ZFPM2: variants seen among roughly 807,000 people sequenced by gnomAD.
ZFPM2 encodes zinc finger protein ZFPM2.
A neutral mutation model predicts 98.6 loss-of-function variants in ZFPM2; 20 were observed. The ratio of observed to expected loss-of-function variants is 0.20; its 90% CI spans 0.14 to 0.29. The LOEUF is 0.29. Ranked by LOEUF, ZFPM2 falls within the 10% of genes least tolerant of loss-of-function variation. The pLI, the probability that ZFPM2 is intolerant of heterozygous loss-of-function variation, is 1.00. For synonymous variants in ZFPM2, 518 were observed against 502.7 expected (o/e 1.03, Z -0.41); for missense variants, 1,310 against 1,388.6 (o/e 0.94, Z 0.90).
intron 4 of ZFPM2, among the ~76,000 whole-genome samples, chr8:105,620,202 T>C (rs1816507025): frequency 6.6e-6 from 1 of 152,218 alleles, no homozygotes; most frequent in African/African-American, 2.4e-5. Context: ...TGTGGTTTCC[T>C]GACTTTTTAA....
intron 3 of ZFPM2, among the ~76,000 whole-genome samples, chr8:105,530,928 T>A (rs1554614679): frequency 6.6e-6 from 1 of 152,170 alleles, no homozygotes; most frequent in Non-Finnish European, 1.5e-5. Context: ...GTCCATAGTT[T>A]TATATGTAAT....
At chr8:105,750,022 G>T (rs1159695480) in intron 5 of ZFPM2, among the ~76,000 whole-genome samples, 1 of 151,978 alleles carries the variant, frequency 6.6e-6, no homozygotes, top group Non-Finnish European at 1.5e-5. Flanking sequence ...CGAAAAAATT[G>T]TATTTGATAA....
chr8:105,761,191 A>G (rs1812727497), intron 5 of ZFPM2, among the ~76,000 whole-genome samples: 1 of 152,006 alleles, frequency 6.6e-6, no homozygotes, highest in African/African-American at 2.4e-5. Context: ...AATGGAATGT[A>G]AGGCCTACTA....
intron 4 of ZFPM2, among the ~76,000 whole-genome samples, chr8:105,591,971 A>G (rs1352825431): frequency 6.6e-6 from 1 of 152,208 alleles, no homozygotes; most frequent in Non-Finnish European, 1.5e-5. Flanking sequence ...AAAATTTGGT[A>G]AACATTTTCA....
At chr8:105,386,058 A>C (rs965026685) in intron 1 of ZFPM2, among the ~76,000 whole-genome samples, 3 of 152,186 alleles carry the variant, frequency 2.0e-5, no homozygotes, top group African/African-American at 7.2e-5. Context: ...TAAATAAATT[A>C]ATGTAAGTAA....
At chr8:105,581,960 A>G (rs1467538974) in intron 4 of ZFPM2, among the ~76,000 whole-genome samples, 24 of 152,186 alleles carry the variant, frequency 1.6e-4, no homozygotes, top group Non-Finnish European at 1.3e-4. Context: ...CACTCCTTCT[A>G]TTATAGTGGG....
chr8:105,758,454 T>C (rs1812657047), intron 5 of ZFPM2, among the ~76,000 whole-genome samples: 7 of 152,096 alleles, frequency 4.6e-5, no homozygotes, highest in Admixed American at 4.6e-4. Context: ...CTCAAGTTAA[T>C]CCAAATTTAA....
chr8:105,329,036 C>A (rs1812165155), intron 1 of ZFPM2, among the ~76,000 whole-genome samples: 1 of 151,818 alleles, frequency 6.6e-6, no homozygotes, highest in African/African-American at 2.4e-5. Context: ...GACAAACAGG[C>A]ACATATTTTG....
At chr8:105,372,103 C>T (rs1320328065) in intron 1 of ZFPM2, among the ~76,000 whole-genome samples, 1 of 151,544 alleles carries the variant, frequency 6.6e-6, no homozygotes, top group Non-Finnish European at 1.5e-5. Flanking sequence ...AGTGCAGTGG[C>T]GTGATCTCGG....
intron 4 of ZFPM2, among the ~76,000 whole-genome samples, chr8:105,590,906 C>T (rs1253938821): frequency 6.6e-6 from 1 of 151,974 alleles, no homozygotes; most frequent in Non-Finnish European, 1.5e-5. Flanking sequence ...TATAGTTCTG[C>T]CATAGTATTA....
chr8:105,677,268 TA>T (rs1810493311), intron 5 of ZFPM2, among the ~76,000 whole-genome samples: 1 of 152,036 alleles, frequency 6.6e-6, no homozygotes, highest in Non-Finnish European at 1.5e-5. Context: ...CACTGCTTAC[TA>T]TGGACAAGAT....
intron 5 of ZFPM2, among the ~76,000 whole-genome samples, chr8:105,768,096 CTCTCTCTCTCTT>C (rs1297163173): frequency 6.6e-6 from 1 of 150,794 alleles, no homozygotes; most frequent in Non-Finnish European, 1.5e-5. Flanking sequence ...CTCTCTCTCT[CTCTCTCTCTCTT>C]TCTCTCTCTC....
At chr8:105,401,358 A>G (rs1811336987) in intron 1 of ZFPM2, among the ~76,000 whole-genome samples, 2 of 152,276 alleles carry the variant, frequency 1.3e-5, no homozygotes, top group East Asian at 1.9e-4. Context: ...GTTTGTTAGT[A>G]TAACATTCTG....
intron 1 of ZFPM2, among the ~76,000 whole-genome samples, chr8:105,334,118 CTG>C (rs71305145): frequency 0.23 from 27,381 of 120,076 alleles, 2,771 homozygotes; most frequent in Admixed American, 0.32. Flanking sequence ...TAGTAATAAA[CTG>C]TGTGTGTGTG....
At chr8:105,669,981 T>C (rs953744542) in intron 5 of ZFPM2, 5 of 152,182 alleles carry the variant, frequency 3.3e-5, no homozygotes, top group South Asian at 2.1e-4. Context: ...ATAGAGAAAG[T>C]GCAGAGAAGT....
At chr8:105,437,317 G>T (rs1298118835) in intron 2 of ZFPM2, among the ~76,000 whole-genome samples, 1 of 152,140 alleles carries the variant, frequency 6.6e-6, no homozygotes, top group Admixed American at 6.5e-5. Context: ...ACAAATTGGA[G>T]CAAATCATTC....
At chr8:105,602,193 A>T (rs1248637295) in intron 4 of ZFPM2, among the ~76,000 whole-genome samples, 2 of 152,128 alleles carry the variant, frequency 1.3e-5, no homozygotes, top group Non-Finnish European at 2.9e-5. Flanking sequence ...GCTAGGAGGT[A>T]GAGAAGTGAT....
At chr8:105,770,012 C>T (rs184425395) in intron 5 of ZFPM2, among the ~76,000 whole-genome samples, 58 of 151,956 alleles carry the variant, frequency 3.8e-4, no homozygotes, top group African/African-American at 1.4e-3. Flanking sequence ...TTCATAATTC[C>T]ACCTTCATTT....
intron 3 of ZFPM2, among the ~76,000 whole-genome samples, chr8:105,557,970 T>C (rs1390307299): frequency 6.6e-6 from 1 of 152,118 alleles, no homozygotes; most frequent in Non-Finnish European, 1.5e-5. Context: ...AAGTTGTGAG[T>C]GAGTGCAAAC....
Sources: allele counts gnomAD v4.1 joint callset (sites outside exome capture counted in the v4.1 genomes callset), GRCh38; gene constraint gnomAD v4.1.1; transcripts MANE v1.5; gene names NCBI Gene and HGNC (gene_info 2026-07-23, HGNC 2026-07-21).